The following HSD17B3 variants were observed in gnomAD, a reference collection of about 807,000 sequenced individuals.
The protein encoded by HSD17B3 is 17-beta-hydroxysteroid dehydrogenase type 3.
HSD17B3 carries 29 observed loss-of-function variants against 41.1 expected under a neutral mutation model. The ratio of observed to expected loss-of-function variants is 0.71; its 90% confidence interval spans 0.53 to 0.96. The LOEUF (loss-of-function observed/expected upper bound fraction) is 0.96, where lower values mean the gene tolerates loss of function less well. Among genes scored for constraint, HSD17B3 ranks in the 40% least tolerant of loss-of-function variants. The pLI is 0.00. For missense variants in HSD17B3, 323 were observed against 374.6 expected, an observed-to-expected ratio of 0.86 and a Z score of 1.14; for synonymous variants, 126 against 145.6, an observed-to-expected ratio of 0.87 and a Z score of 0.97.
At chr9:96,281,260 T>TGAAGGCACAATACTAAA (rs1321119981) in intron 2 of HSD17B3, among the ~76,000 whole-genome samples, 2 of 151,994 alleles carry the variant, frequency 1.3e-5, no homozygotes, top group Non-Finnish European at 2.9e-5. Context: ...TCACTAACCC[T>TGAAGGCACAATACTAAA]GAAGGCACAA....
intron 2 of HSD17B3, among the ~76,000 whole-genome samples, chr9:96,257,999 G>A (rs2130739161): frequency 6.6e-6 from 1 of 152,204 alleles, no homozygotes; most frequent in East Asian, 1.9e-4. Flanking sequence ...TTATCAGTGG[G>A]GCTGAGCATC....
chr9:96,247,351 C>T (rs114960299), intron 6 of HSD17B3: 3,529 of 152,746 alleles, frequency 0.023, 74 homozygotes, highest in African/African-American at 0.058. Context: ...AGACAAGGGA[C>T]CCAAGTGAAA....
intron 2 of HSD17B3, among the ~76,000 whole-genome samples, chr9:96,264,266 A>G (rs1350400851): frequency 2.0e-5 from 3 of 152,162 alleles, no homozygotes; most frequent in Non-Finnish European, 2.9e-5. Context: ...AAAAATACCT[A>G]CAAACAAAAA....
intron 2 of HSD17B3, among the ~76,000 whole-genome samples, chr9:96,259,409 T>C (rs1825779865): frequency 1.3e-5 from 2 of 152,146 alleles, no homozygotes; most frequent in Middle Eastern, 3.2e-3. Context: ...GTGGGGATCA[T>C]AGAAGGGAAT....
chr9:96,255,003 G>A, intron 2 of HSD17B3, 60 bp from the exon 3 acceptor site: 3 of 1,431,456 alleles, frequency 2.1e-6, no homozygotes, highest in Non-Finnish European at 2.9e-6. Context: ...GAGGGCTTGT[G>A]TTAAGGTGAC....
intron 6 of HSD17B3, among the ~76,000 whole-genome samples, chr9:96,247,941 T>C (rs1836738300): frequency 6.6e-6 from 1 of 152,236 alleles, no homozygotes; most frequent in Admixed American, 6.5e-5. Flanking sequence ...ACCAGCATGG[T>C]TCACTGGGGC....
chr9:96,236,616 G>A (rs1225259820), intron 10 of HSD17B3, among the ~76,000 whole-genome samples: 1 of 152,116 alleles, frequency 6.6e-6, no homozygotes, highest in African/African-American at 2.4e-5. Flanking sequence ...CCAAGGCATA[G>A]TGGGCGCTAA....
At chr9:96,261,524 T>C (rs891540712) in intron 2 of HSD17B3, among the ~76,000 whole-genome samples, 3 of 152,154 alleles carry the variant, frequency 2.0e-5, no homozygotes, top group Non-Finnish European at 4.4e-5. Flanking sequence ...CACAGAGACC[T>C]TGGGGGAAGC....
intron 2 of HSD17B3, among the ~76,000 whole-genome samples, chr9:96,288,701 C>A (rs1338202718): frequency 6.6e-6 from 1 of 152,032 alleles, no homozygotes; most frequent in Non-Finnish European, 1.5e-5. Context: ...CTTTGGGAGG[C>A]CCAGGCCGCA....
intron 2 of HSD17B3, among the ~76,000 whole-genome samples, chr9:96,274,897 C>G (rs1457315594): frequency 2.0e-5 from 3 of 152,076 alleles, no homozygotes; most frequent in Admixed American, 2.0e-4. Flanking sequence ...GTTCATGACT[C>G]CCAAATCACC....
chr9:96,300,246 A>ACACG (rs1554705303), intron 1 of HSD17B3, among the ~76,000 whole-genome samples: 2 of 151,336 alleles, frequency 1.3e-5, no homozygotes, highest in Non-Finnish European at 2.9e-5. Context: ...ACACACACAC[A>ACACG]CACACACGCA....
chr9:96,287,818 C>G (rs8190512), intron 2 of HSD17B3, among the ~76,000 whole-genome samples: 1 of 150,560 alleles, frequency 6.6e-6, no homozygotes, highest in Non-Finnish European at 1.5e-5. Context: ...AGAAAAGTGT[C>G]CACACAAAAA....
intron 9 of HSD17B3, among the ~76,000 whole-genome samples, chr9:96,241,784 A>C (rs1187686591): frequency 1.3e-5 from 2 of 151,910 alleles, no homozygotes; most frequent in Non-Finnish European, 2.9e-5. Flanking sequence ...AAAATAGAAA[A>C]ATTAGTCAGG....
At chr9:96,260,694 A>G (rs1053511844) in intron 2 of HSD17B3, among the ~76,000 whole-genome samples, 2 of 152,056 alleles carry the variant, frequency 1.3e-5, no homozygotes, top group African/African-American at 4.8e-5. Context: ...GAATCCAGGA[A>G]GTGGAGGTTG....
At chr9:96,253,813 T>G (rs2026001) in intron 3 of HSD17B3, among the ~76,000 whole-genome samples, 100,906 of 152,024 alleles carry the variant, frequency 0.66, 33,995 homozygotes, top group African/African-American at 0.75. Flanking sequence ...ATTTCAGCAT[T>G]GTGAGGCAAA....
At chr9:96,289,475 C>A (rs1827063114) in intron 2 of HSD17B3, among the ~76,000 whole-genome samples, 1 of 152,184 alleles carries the variant, frequency 6.6e-6, no homozygotes, top group Non-Finnish European at 1.5e-5. Context: ...TCCCTACCCC[C>A]ACCTCTAGCC....
intron 2 of HSD17B3, among the ~76,000 whole-genome samples, chr9:96,289,084 G>A (rs1336232774): frequency 1.3e-5 from 2 of 151,276 alleles, no homozygotes; most frequent in African/African-American, 4.9e-5. Flanking sequence ...ACTCCAGCCT[G>A]GATGACAGAG....
chr9:96,253,069 A>G (rs1408633534), intron 3 of HSD17B3, among the ~76,000 whole-genome samples, 159 bp from the exon 4 acceptor site: 1 of 152,238 alleles, frequency 6.6e-6, no homozygotes, highest in Non-Finnish European at 1.5e-5. Flanking sequence ...AAATGTTGGG[A>G]GGTGCTAAGA....
intron 2 of HSD17B3, among the ~76,000 whole-genome samples, chr9:96,296,675 T>A (rs1266084603): frequency 1.3e-5 from 2 of 152,112 alleles, no homozygotes; most frequent in African/African-American, 4.8e-5. Flanking sequence ...CAGAAAAAAA[T>A]TAAAATTTTT....
Sources: gnomAD v4.1 joint callset for allele counts (sites outside exome capture counted in the v4.1 genomes callset) on GRCh38, gnomAD v4.1.1 for gene constraint, MANE v1.5 for transcripts, NCBI Gene and HGNC (gene_info 2026-07-23, HGNC 2026-07-21) for gene names.